The following TMEM171 variants were observed in gnomAD, a reference collection of about 807,000 sequenced individuals.
The protein encoded by TMEM171 is proline-rich protein PRP2.
Under a neutral mutation model 19.1 loss-of-function variants are expected in TMEM171, and 16 were observed. The ratio of observed to expected loss-of-function variants is 0.84; its 90% confidence interval spans 0.57 to 1.27. The LOEUF is 1.27. Ranked by LOEUF, TMEM171 falls within the 50% of genes most tolerant of loss-of-function variation. The pLI is 0.00. For missense variants in TMEM171, 429 were observed against 412.7 expected, an observed-to-expected ratio of 1.04 and a Z score of -0.34; for synonymous variants, 153 against 163.4, an observed-to-expected ratio of 0.94 and a Z score of 0.48.
chr5:73,131,421 C>T, intron 3 of TMEM171, 117 bp from the exon 4 acceptor site: 2 of 718,848 alleles, frequency 2.8e-6, no homozygotes, highest in South Asian at 3.5e-5. Flanking sequence ...AATTACTCCT[C>T]AGATTCTTGC....
chr5:73,120,672 A>C lies in TMEM171; in HGVS notation c.-93A>C, dbSNP rs1402657080. 1 of 984,312 alleles carries C rather than the reference A, an allele frequency of 1.0e-6. No homozygotes were observed. Among genetic ancestry groups the C allele is most frequent in the African/African-American group, 1.7e-5 (1 of 57,210 alleles). The allele number at this position is 984,312 out of a possible 1,614,324, so 61.0% of individuals were successfully genotyped here. A position where few individuals can be genotyped will look rare whatever the true frequency, so the allele number is the denominator to read the frequency against. On this transcript the variant is annotated 5_prime_UTR_variant, in exon 1 of 4. Transcript: ENST00000454765. ...AGCCAGTGCCCACAGCAGCGCGGTC[A>C]GCCAGGCGCCGGACCCAGCTTCAGG...
chr5:73,125,586 C>A (rs1333912081), intron 2 of TMEM171, among the ~76,000 whole-genome samples: 1 of 152,208 alleles, frequency 6.6e-6, no homozygotes, highest in African/African-American at 2.4e-5. Context: ...AAAAAAGGGG[C>A]TCCCTTTAAT....
At chr5:73,129,286 G>C (rs1041645658) in intron 3 of TMEM171, among the ~76,000 whole-genome samples, 7 of 152,174 alleles carry the variant, frequency 4.6e-5, no homozygotes, top group Admixed American at 1.3e-4. Flanking sequence ...TGTAAATGAA[G>C]TGGTGGCCCA....
chr5:73,127,384 A>AAATATATATATATATATATATATATAT lies in TMEM171; in HGVS notation c.641-1005_641-1004insATATATATATATATATATATATATATA. 6.5e-4 allele frequency among the ~76,000 whole-genome samples: 53 copies of AAATATATATATATATATATATATATAT among 81,638 alleles called. 1 individual carries two copies. Among genetic ancestry groups the AAATATATATATATATATATATATATAT allele is most frequent in the African/African-American group, 2.0e-3 (31 of 15,210 alleles). 53.6% of individuals were successfully genotyped at this position (81,638 alleles called of 152,430 possible). ...AAATTTGTGGTAAAAAAAAAAAAAA[A>AAATATATATATATATATATATATATAT]ATATATATATATATATATATATAAA... is the stretch of plus-strand genomic sequence containing the variant. On this transcript the variant is annotated intron_variant, in intron 2 of 3. Coordinates refer to ENST00000454765, the MANE Select transcript of TMEM171 (RefSeq NM_173490.8).
intron 2 of TMEM171, among the ~76,000 whole-genome samples, chr5:73,125,311 G>T (rs549524588): frequency 6.6e-6 from 1 of 152,242 alleles, no homozygotes; most frequent in African/African-American, 2.4e-5. Flanking sequence ...TGCTCTTAAA[G>T]GTCCCCTGTG....
At position 73,130,269 on chromosome 5, in the gene TMEM171, G is replaced by A. The variant is rs117531413; in HGVS notation, c.783-1269G>A. On this transcript the variant is annotated intron_variant, in intron 3 of 3. Transcript: ENST00000454765. ...AGGGACTAGTGGGAGACCCCCAGGA[G>A]GGGCTTGTGCATACCCCAGAAATGG... Among the ~76,000 whole-genome samples the A allele has an allele frequency of 1.6e-4, 25 of 152,266 alleles. No homozygotes were observed. The East Asian group carries it at 4.6e-3, about 28-fold the overall frequency.
rs777009505 is a variant in TMEM171, at chr5:73,123,688, G to T, written c.315G>T (p.Glu105Asp). 1.7e-5 allele frequency: 27 copies of T among 1,614,214 alleles called. No homozygotes were observed. The highest frequency in any genetic ancestry group is 2.3e-5 in the Non-Finnish European group (27 of 1,180,048). The change falls in exon 2 of 4, where the codon GAG (glutamate) becomes GAT (aspartate). Residue 105 changes from glutamate (E) to aspartate (D), a missense_variant. Physicochemically the swap from Glu to Asp is conservative, Grantham distance 45. Coordinates refer to ENST00000454765, the MANE Select transcript of TMEM171 (RefSeq NM_173490.8). ...CCGACCGAGCCTTCATCTGTGGAGA[G>T]AGCCGCCAGTTTGCCCAGTGCCTTA... Reference protein sequence around the residue: ...MDPDRAFICGESRQFAQCLIF... With the variant: ...MDPDRAFICGDSRQFAQCLIF...
intron 1 of TMEM171, 105 bp downstream of exon 1, chr5:73,120,801 G>T (rs946523508): frequency 1.0e-6 from 1 of 954,162 alleles, no homozygotes; most frequent in African/African-American, 1.8e-5. Flanking sequence ...GAGGCGCTGG[G>T]TATCCGAGCC....
At position 73,120,575 on chromosome 5, in the gene TMEM171, A is replaced by T. The variant is rs1287382461; in HGVS notation, c.-190A>T. The T allele has an allele frequency of 1.0e-6, 1 of 985,292 alleles. No homozygotes were observed. Among genetic ancestry groups the T allele is most frequent in the Admixed American group, 6.2e-5 (1 of 16,210 alleles). 61.0% of individuals were successfully genotyped at this position (985,292 alleles called of 1,614,324 possible). A position where few individuals can be genotyped will look rare whatever the true frequency, so the allele number is the denominator to read the frequency against. On this transcript the variant is annotated 5_prime_UTR_variant, in exon 1 of 4. Coordinates refer to ENST00000454765, the MANE Select transcript of TMEM171 (RefSeq NM_173490.8). ...TACTGCCGGGTCCGCCCTCCGCACC[A>T]GGACGCGCGGTGGGTAGGGTGCAGG...
At chr5:73,127,692 G>T (rs184340437) in intron 2 of TMEM171, among the ~76,000 whole-genome samples, 2 of 147,340 alleles carry the variant, frequency 1.4e-5, no homozygotes, top group Non-Finnish European at 3.0e-5. Context: ...TGATCCACCC[G>T]CTTCGGCCTT....
At chr5:73,127,408 AAG>A (rs1744202868) in intron 2 of TMEM171, among the ~76,000 whole-genome samples, 2 of 105,918 alleles carry the variant, frequency 1.9e-5, no homozygotes, top group African/African-American at 1.0e-4. Flanking sequence ...TATATATATA[AAG>A]CATAAACAAT....
At chr5:73,122,356 A>C (rs1744026974) in intron 1 of TMEM171, among the ~76,000 whole-genome samples, 1 of 152,164 alleles carries the variant, frequency 6.6e-6, no homozygotes, top group African/African-American at 2.4e-5. Flanking sequence ...CCCAGATCCA[A>C]GCAACTGGGT....
chr5:73,124,295 A>G (rs1034683934), intron 2 of TMEM171, among the ~76,000 whole-genome samples: 2 of 152,214 alleles, frequency 1.3e-5, no homozygotes, highest in Admixed American at 6.5e-5. Flanking sequence ...GTCACAGAGC[A>G]AATTAAGAGG....
At chr5:73,124,821 G>A (rs777888772) in intron 2 of TMEM171, among the ~76,000 whole-genome samples, 38 of 152,172 alleles carry the variant, frequency 2.5e-4, no homozygotes, top group African/African-American at 4.1e-4. Flanking sequence ...TAGCAGTAGC[G>A]TTGGCCTCAG....
intron 2 of TMEM171, among the ~76,000 whole-genome samples, chr5:73,126,887 T>C (rs1744177162): frequency 6.6e-6 from 1 of 152,228 alleles, no homozygotes; most frequent in South Asian, 2.1e-4. Flanking sequence ...GCCAGAGCTC[T>C]ACACTGTTCT....
Position 73,123,644 on chromosome 5 carries a change from A to G in TMEM171, c.271A>G (p.Arg91Gly). ...AQLQLRAGLQRGQQMDPDRAF... is the reference protein window; with the variant it reads ...AQLQLRAGLQGGQQMDPDRAF... ...ACTTCAGCTCCGTGCAGGGCTGCAG[A>G]GAGGTCAGCAGATGGACCCCGACCG... The change falls in exon 2 of 4, where the codon AGA becomes GGA. Residue 91 changes from arginine to glycine, a missense_variant. Physicochemically the swap from Arg to Gly is moderately radical, Grantham distance 125. Transcript: ENST00000454765. The G allele has an allele frequency of 6.2e-7, 1 of 1,614,172 alleles. No homozygotes were observed. The highest frequency in any genetic ancestry group is 8.5e-7 in the Non-Finnish European group (1 of 1,180,024).
Position 73,120,608 on chromosome 5 carries a change from G to A in TMEM171, c.-157G>A, listed in dbSNP as rs922362455. 6 of 984,830 alleles carry A rather than the reference G, an allele frequency of 6.1e-6. No individual in the cohort carries two copies. Among genetic ancestry groups the A allele is most frequent in the South Asian group, 4.7e-5 (1 of 21,294 alleles). The allele number at this position is 984,830 out of a possible 1,614,324, so 61.0% of individuals were successfully genotyped here. On this transcript the variant is annotated 5_prime_UTR_variant, in exon 1 of 4. Coordinates refer to ENST00000454765, the MANE Select transcript of TMEM171 (RefSeq NM_173490.8). ...CGGTGGGTAGGGTGCAGGGCGGCCG[G>A]CGCAGCCGAGGCCGCGTGCGGAGGC...
At chr5:73,122,400 A>ATTTTG (rs1013313926) in intron 1 of TMEM171, among the ~76,000 whole-genome samples, 5 of 152,002 alleles carry the variant, frequency 3.3e-5, no homozygotes, top group Admixed American at 6.6e-5. Context: ...CCCAAGAACC[A>ATTTTG]TTTTGTTTTG....
chr5:73,126,932 G>A lies in TMEM171; in HGVS notation c.641-1458G>A, dbSNP rs146498507. 3.5e-3 allele frequency among the ~76,000 whole-genome samples: 526 copies of A among 152,250 alleles called. 3 individuals are homozygous for A. Among genetic ancestry groups the A allele is most frequent in the African/African-American group, 0.012 (500 of 41,536 alleles). ...GTGTGGTGCATTTTATATTGGAATC[G>A]GAATACAAATTAGAGTTTGCATCTG... On this transcript the variant is annotated intron_variant, in intron 2 of 3. Coordinates refer to ENST00000454765, the MANE Select transcript of TMEM171 (RefSeq NM_173490.8).
Sources: gnomAD v4.1 joint callset for allele counts (sites outside exome capture counted in the v4.1 genomes callset) on GRCh38, gnomAD v4.1.1 for gene constraint, MANE v1.5 for transcripts, NCBI Gene and HGNC (gene_info 2026-07-23, HGNC 2026-07-21) for gene names.